The following HIBCH variants were observed in gnomAD, a reference collection of about 807,000 sequenced individuals.
The protein encoded by HIBCH is 3-hydroxyisobutyryl-CoA hydrolase.
HIBCH carries 50 observed loss-of-function variants against 58.2 expected under a neutral mutation model. The ratio of observed to expected loss-of-function variants is 0.86; its 90% CI spans 0.68 to 1.09. HIBCH has a LOEUF of 1.09. HIBCH is among the 50% of genes least tolerant of loss of function. The pLI is 0.00. For missense variants in HIBCH, 450 were observed against 449.7 expected (o/e 1.00, Z -0.01); for synonymous variants, 151 against 146.9 (o/e 1.03, Z -0.20).
intron 6 of HIBCH, among the ~76,000 whole-genome samples, chr2:190,263,910 T>C (rs1413899033): frequency 1.3e-5 from 2 of 152,124 alleles, no homozygotes; most frequent in Admixed American, 1.3e-4. Flanking sequence ...CAATGTAATC[T>C]ATGAACTATC....
intron 11 of HIBCH, among the ~76,000 whole-genome samples, chr2:190,238,078 G>C (rs1381370100): frequency 6.6e-6 from 1 of 152,062 alleles, no homozygotes; most frequent in Non-Finnish European, 1.5e-5. Context: ...TCATTGTCAG[G>C]CATTTGGGTT....
rs1688360335 is a variant in HIBCH, at chr2:190,304,760, ATTTGT to A, written c.78+5989_78+5993del. Among the ~76,000 whole-genome samples, 1 of 152,200 alleles carries A rather than the reference ATTTGT, an allele frequency of 6.6e-6. No homozygotes were observed. The highest frequency in any genetic ancestry group is 2.1e-4 in the South Asian group (1 of 4,830). On this transcript the variant is annotated intron_variant, in intron 2 of 13. Transcript: ENST00000359678. This position sits in a 1 kb window ranked among gnomAD's most constrained non-coding sequence, Gnocchi z 4.1. ...AACCAGCAGTTTTATTTTAACCAAC[ATTTGT>A]TTTGATTTCCAAGTTTTATGATCTC...
intron 10 of HIBCH, chr2:190,245,230 C>A: frequency 2.5e-6 from 1 of 395,470 alleles, no homozygotes; most frequent in East Asian, 5.4e-5. Flanking sequence ...AACAATTCAA[C>A]AATGAAAAAT....
intron 7 of HIBCH, among the ~76,000 whole-genome samples, chr2:190,259,278 T>TC (rs1243594649): frequency 2.6e-5 from 4 of 151,948 alleles, no homozygotes; most frequent in Non-Finnish European, 4.4e-5. Flanking sequence ...TGTGTCTTCT[T>TC]CAATTTTTTT....
intron 11 of HIBCH, among the ~76,000 whole-genome samples, chr2:190,232,022 C>T (rs1319263567): frequency 1.3e-5 from 2 of 151,978 alleles, no homozygotes; most frequent in Non-Finnish European, 2.9e-5. Context: ...ATGGTGAAAC[C>T]CAGTCTACTA....
intron 7 of HIBCH, among the ~76,000 whole-genome samples, chr2:190,259,319 ATGTGTGTGTG>A (rs370172555): frequency 0.16 from 20,044 of 122,108 alleles, 1,750 homozygotes; most frequent in Middle Eastern, 0.29. Flanking sequence ...CAGTATACAG[ATGTGTGTGTG>A]TGTGTGTGTG....
chr2:190,309,444 A>C (rs544568879), intron 2 of HIBCH, among the ~76,000 whole-genome samples: 2 of 152,304 alleles, frequency 1.3e-5, no homozygotes, highest in African/African-American at 4.8e-5. Context: ...AAGTGAATAA[A>C]ATTTATTTCT....
chr2:190,229,023 G>A (rs1259931562), intron 11 of HIBCH, among the ~76,000 whole-genome samples: 2 of 152,056 alleles, frequency 1.3e-5, no homozygotes, highest in Non-Finnish European at 2.9e-5. Context: ...GAAAACTCAG[G>A]ATATTGCCTT....
At chr2:190,245,558 T>C (rs1012676836) in intron 10 of HIBCH, among the ~76,000 whole-genome samples, 12 of 152,184 alleles carry the variant, frequency 7.9e-5, no homozygotes, top group African/African-American at 2.9e-4. Context: ...AAGTTAATTA[T>C]TATTTTCTAG....
At chr2:190,238,154 T>A (rs150960852) in intron 11 of HIBCH, among the ~76,000 whole-genome samples, 3 of 152,280 alleles carry the variant, frequency 2.0e-5, no homozygotes, top group Non-Finnish European at 4.4e-5. Flanking sequence ...GTCTTTACAG[T>A]AGAATGATTT....
intron 6 of HIBCH, among the ~76,000 whole-genome samples, chr2:190,269,552 T>G (rs1317320338): frequency 6.6e-6 from 1 of 152,084 alleles, no homozygotes; most frequent in Non-Finnish European, 1.5e-5. Context: ...AGAATGGTGA[T>G]TATTAAGAAG....
intron 6 of HIBCH, among the ~76,000 whole-genome samples, chr2:190,261,783 A>G (rs1356981718): frequency 6.6e-6 from 1 of 152,162 alleles, no homozygotes; most frequent in Non-Finnish European, 1.5e-5. Flanking sequence ...AAGCTTTTAC[A>G]ATTTCAATTA....
intron 11 of HIBCH, among the ~76,000 whole-genome samples, chr2:190,228,304 G>C (rs1455795907): frequency 6.7e-6 from 1 of 150,324 alleles, no homozygotes; most frequent in Non-Finnish European, 1.5e-5. Context: ...CGCAAGGACA[G>C]AAAACCAAAT....
At chr2:190,307,717 A>G (rs1364006168) in intron 2 of HIBCH, among the ~76,000 whole-genome samples, 1 of 152,198 alleles carries the variant, frequency 6.6e-6, no homozygotes, top group East Asian at 1.9e-4. Context: ...AAAGAAGAAA[A>G]AAAAATATTT....
At position 190,304,894 on chromosome 2, in the gene HIBCH, G is replaced by T. The variant is rs889876892; in HGVS notation, c.78+5860C>A. The stretch of plus-strand genomic sequence containing the variant: ...GGACGAATAATGTATCCCTGTGCTG[G>T]AATTTATAAGACACAGTATGCTTTA... On this transcript the variant is annotated intron_variant, in intron 2 of 13. Coordinates refer to ENST00000359678, the MANE Select transcript of HIBCH (RefSeq NM_014362.4). This position sits in a 1 kb window ranked among gnomAD's most constrained non-coding sequence, Gnocchi z 4.1. Among the ~76,000 whole-genome samples, 5 of 152,094 alleles carry T rather than the reference G, an allele frequency of 3.3e-5. No homozygotes were observed. Among genetic ancestry groups the T allele is most frequent in the African/African-American group, 1.2e-4 (5 of 41,416 alleles).
chr2:190,200,190 T>G (rs756463908), downstream of HIBCH: 4 of 1,548,334 alleles, frequency 2.6e-6, no homozygotes, highest in African/African-American at 5.5e-5. Context: ...GGTGCTAGTT[T>G]GAATAAATGT....
intron 11 of HIBCH, among the ~76,000 whole-genome samples, chr2:190,218,785 A>G (rs1251594808): frequency 6.6e-6 from 1 of 152,172 alleles, no homozygotes; most frequent in Non-Finnish European, 1.5e-5. Flanking sequence ...TGCATGGGGA[A>G]ATGAGACTTG....
chr2:190,257,593 G>A (rs1559037857), intron 7 of HIBCH, among the ~76,000 whole-genome samples: 1 of 152,098 alleles, frequency 6.6e-6, no homozygotes, highest in Non-Finnish European at 1.5e-5. Context: ...AAAGATAATA[G>A]GGGAATATTA....
chr2:190,300,169 T>C (rs2124833034), intron 2 of HIBCH, among the ~76,000 whole-genome samples: 1 of 152,354 alleles, frequency 6.6e-6, no homozygotes, highest in Admixed American at 6.5e-5. Context: ...TTATATTCCC[T>C]TAGGTATACA....
Sources: gnomAD v4.1 joint callset for allele counts (sites outside exome capture counted in the v4.1 genomes callset) on GRCh38, gnomAD v4.1.1 for gene constraint, Gnocchi (gnomAD v3.1) non-coding constraint, MANE v1.5 for transcripts, NCBI Gene and HGNC (gene_info 2026-07-23, HGNC 2026-07-21) for gene names.